The following ATP8A2 variants were observed in gnomAD, a reference collection of about 807,000 sequenced individuals.
ATP8A2 encodes the protein ATPase phospholipid transporting 8A2.
ATP8A2 carries 100 observed loss-of-function variants against 165.6 expected under a neutral mutation model. The observed-to-expected ratio is 0.60, with a 90% CI of 0.51 to 0.71. The LOEUF is 0.71. ATP8A2 is among the 30% of genes least tolerant of loss of function. The pLI, the probability that ATP8A2 is intolerant of heterozygous loss-of-function variation, is 0.00. For synonymous variants in ATP8A2, 543 were observed against 548.8 expected, an observed-to-expected ratio of 0.99 and a Z score of 0.15; for missense variants, 1,227 against 1,479.5, an observed-to-expected ratio of 0.83 and a Z score of 2.80.
intron 25 of ATP8A2, chr13:25,705,152 T>C (rs1232045345): frequency 4.6e-6 from 2 of 433,720 alleles, no homozygotes; most frequent in Admixed American, 2.6e-5. Flanking sequence ...ATTTTCCCTT[T>C]TTCTTTGAAG....
At chr13:25,792,505 G>A (rs986857994) in intron 27 of ATP8A2, among the ~76,000 whole-genome samples, 2 of 152,152 alleles carry the variant, frequency 1.3e-5, no homozygotes, top group East Asian at 3.9e-4. Context: ...GACTCACTAA[G>A]TATGTATTAT....
intron 27 of ATP8A2, among the ~76,000 whole-genome samples, chr13:25,811,399 T>A (rs1272058504): frequency 6.6e-6 from 1 of 152,186 alleles, no homozygotes; most frequent in Non-Finnish European, 1.5e-5. Context: ...TAAAATATAC[T>A]TTATTTAAAA....
chr13:25,768,007 T>A (rs1054719721), intron 25 of ATP8A2, among the ~76,000 whole-genome samples: 2 of 142,442 alleles, frequency 1.4e-5, no homozygotes, highest in Non-Finnish European at 3.0e-5. Flanking sequence ...TATGTGGGCG[T>A]GGCCAGTAGA....
chr13:25,720,192 G>A (rs2043347079), intron 25 of ATP8A2, among the ~76,000 whole-genome samples: 2 of 94,232 alleles, frequency 2.1e-5, no homozygotes, highest in African/African-American at 1.5e-4. Context: ...TTTTGAGAAG[G>A]AATCTCACTC....
At chr13:25,978,362 G>A (rs747031193) in intron 35 of ATP8A2, among the ~76,000 whole-genome samples, 4 of 152,096 alleles carry the variant, frequency 2.6e-5, no homozygotes, top group Non-Finnish European at 4.4e-5. Flanking sequence ...TTCCCGTTTT[G>A]CCTACCTCCA....
intron 25 of ATP8A2, among the ~76,000 whole-genome samples, chr13:25,715,600 T>C (rs992485660): frequency 6.6e-6 from 1 of 152,226 alleles, no homozygotes; most frequent in African/African-American, 2.4e-5. Flanking sequence ...TCCCACTTAC[T>C]GTAAAGTCTT....
At position 25,651,499 on chromosome 13, in the gene ATP8A2, C is replaced by CT. The variant is rs1195400695; in HGVS notation, c.2212-47666dup. ...TTAGAAGTCAGGCTGTTATAGTAAG[C>CT]TTTTTTTTCTGCAGATTTATTTTAT... is the stretch of plus-strand genomic sequence containing the variant. On this transcript the variant is annotated intron_variant, in intron 24 of 36. Transcript: ENST00000381655. Among the ~76,000 whole-genome samples, 10 of 151,724 alleles carry CT rather than the reference C, an allele frequency of 6.6e-5. 3 individuals are homozygous for CT. The highest frequency in any genetic ancestry group is 6.6e-4 in the Admixed American group (10 of 15,230).
chr13:25,856,368 A>G (rs1952166938), intron 30 of ATP8A2, among the ~76,000 whole-genome samples: 1 of 152,202 alleles, frequency 6.6e-6, no homozygotes, highest in African/African-American at 2.4e-5. Flanking sequence ...GTGTGGCATG[A>G]TAGACACTGG....
At chr13:25,731,047 C>T (rs1369737075) in intron 25 of ATP8A2, among the ~76,000 whole-genome samples, 1 of 147,148 alleles carries the variant, frequency 6.8e-6, no homozygotes, top group Non-Finnish European at 1.5e-5. Context: ...ACACTCCAGC[C>T]AGGTCGCAAA....
At chr13:25,941,121 C>T (rs969438857) in intron 33 of ATP8A2, among the ~76,000 whole-genome samples, 4 of 152,196 alleles carry the variant, frequency 2.6e-5, no homozygotes, top group Admixed American at 6.5e-5. Context: ...ATCCACGGAG[C>T]CTCAGAGCCG....
chr13:25,686,433 C>A (rs1180024600), intron 24 of ATP8A2, among the ~76,000 whole-genome samples: 1 of 152,088 alleles, frequency 6.6e-6, no homozygotes, highest in African/African-American at 2.4e-5. Flanking sequence ...TGTACATGCT[C>A]AGTGACAGTG....
At chr13:25,783,451 C>T (rs1338745576) in intron 27 of ATP8A2, among the ~76,000 whole-genome samples, 1 of 152,208 alleles carries the variant, frequency 6.6e-6, no homozygotes, top group African/African-American at 2.4e-5. Context: ...ACTCTTGGGT[C>T]ATGGGGACAA....
intron 1 of ATP8A2, among the ~76,000 whole-genome samples, chr13:25,410,149 G>A (rs1011274340): frequency 1.3e-4 from 19 of 151,886 alleles, no homozygotes; most frequent in East Asian, 5.8e-4. Context: ...CCCCATTAGC[G>A]TCTCCCATCA....
chr13:25,614,534 T>C (rs1172711117), intron 24 of ATP8A2, among the ~76,000 whole-genome samples: 3 of 152,172 alleles, frequency 2.0e-5, no homozygotes, highest in African/African-American at 7.2e-5. Flanking sequence ...TTTGGATCCA[T>C]TGCTATGAGC....
chr13:25,518,848 C>A (rs1167795995), intron 2 of ATP8A2, among the ~76,000 whole-genome samples: 1 of 152,156 alleles, frequency 6.6e-6, no homozygotes. Flanking sequence ...GCGTGTCCAA[C>A]ATACATGTAA....
intron 33 of ATP8A2, among the ~76,000 whole-genome samples, chr13:25,941,298 T>C (rs1404663157): frequency 6.6e-6 from 1 of 152,190 alleles, no homozygotes; most frequent in Non-Finnish European, 1.5e-5. Flanking sequence ...CCTTGGTGAC[T>C]GTTCCCTGTT....
intron 35 of ATP8A2, among the ~76,000 whole-genome samples, chr13:26,000,818 G>A (rs1161343508): frequency 1.3e-5 from 2 of 151,816 alleles, no homozygotes; most frequent in African/African-American, 2.4e-5. Context: ...AACTGACCTT[G>A]ATTTGGCACC....
rs185018589 is a variant in ATP8A2 at position 25,998,288 on chromosome 13, G to A, written c.3378-14243G>A. Among the ~76,000 whole-genome samples, 11 of 152,254 alleles carry A rather than the reference G, an allele frequency of 7.2e-5. No individual in the cohort carries two copies. In the East Asian group the frequency reaches 2.1e-3, roughly 29 times the overall value. On this transcript the variant is annotated intron_variant, in intron 35 of 36. Transcript: ENST00000381655. ...ATCCCAGAAGGGAGGGGTCCTTATT[G>A]GCTGGCAGGGATGAAAGTCAAGGAT... is the stretch of plus-strand genomic sequence containing the variant.
chr13:25,926,405 T>A (rs1954608735), intron 33 of ATP8A2, among the ~76,000 whole-genome samples: 1 of 152,280 alleles, frequency 6.6e-6, no homozygotes, highest in South Asian at 2.1e-4. Context: ...CTACCTACCA[T>A]CAACTCCCAG....
Sources: gnomAD v4.1 joint callset for allele counts (sites outside exome capture counted in the v4.1 genomes callset) on GRCh38, gnomAD v4.1.1 for gene constraint, MANE v1.5 for transcripts, NCBI Gene and HGNC (gene_info 2026-07-23, HGNC 2026-07-21) for gene names.